Variants in TENM2 observed in about 807,000 individuals in gnomAD.
TENM2 encodes teneurin transmembrane protein 2, also known as teneurin-2.
Under a neutral mutation model 245.2 loss-of-function variants are expected in TENM2, and 52 were observed. The ratio of observed to expected loss-of-function variants is 0.21; its 90% CI spans 0.17 to 0.27. TENM2 has a LOEUF of 0.27. TENM2 is among the 10% of genes least tolerant of loss of function. The pLI is 1.00. For missense variants in TENM2, 3,046 were observed against 3,666.8 expected, an observed-to-expected ratio of 0.83 and a Z score of 4.37; for synonymous variants, 1,363 against 1,438.9, an observed-to-expected ratio of 0.95 and a Z score of 1.19.
intron 5 of TENM2, among the ~76,000 whole-genome samples, chr5:168,004,971 G>T (rs1032602794): frequency 6.6e-6 from 1 of 151,944 alleles, no homozygotes; most frequent in Non-Finnish European, 1.5e-5. Context: ...CTCCACCCTC[G>T]CTTCTTTGGG....
the TENM2 span, among the ~76,000 whole-genome samples, chr5:167,030,885 G>A: frequency 2.0e-5 from 3 of 152,094 alleles, no homozygotes; most frequent in African/African-American, 7.2e-5. Flanking sequence ...GGGCTCATTG[G>A]GCTGATGGTG....
At chr5:167,858,727 C>T (rs1286135548) in intron 2 of TENM2, among the ~76,000 whole-genome samples, 1 of 150,870 alleles carries the variant, frequency 6.6e-6, no homozygotes, top group Non-Finnish European at 1.5e-5. Context: ...CCGCGACCGA[C>T]CGCAGCCGCC....
intron 2 of TENM2, among the ~76,000 whole-genome samples, chr5:167,612,607 T>C (rs1777548520): frequency 6.6e-6 from 1 of 152,180 alleles, no homozygotes; most frequent in Non-Finnish European, 1.5e-5. Context: ...TTGAAATATG[T>C]CAGATAGCTG....
chr5:167,205,296 G>T, the TENM2 span, among the ~76,000 whole-genome samples: 1 of 152,142 alleles, frequency 6.6e-6, no homozygotes, highest in Non-Finnish European at 1.5e-5. Context: ...CACGAGAATC[G>T]CTTGGACCTG....
intron 18 of TENM2, 33 bp downstream of exon 20, chr5:168,203,865 C>T: frequency 6.4e-7 from 1 of 1,563,992 alleles, no homozygotes; most frequent in Non-Finnish European, 8.7e-7. Context: ...CCAAATACAG[C>T]CTTGCCACTT....
the TENM2 span, among the ~76,000 whole-genome samples, chr5:167,098,423 A>C: frequency 6.6e-6 from 1 of 152,224 alleles, no homozygotes; most frequent in Non-Finnish European, 1.5e-5. Flanking sequence ...CAGATACAAC[A>C]AACCTTGAAG....
chr5:167,739,222 G>A (rs555094831), intron 2 of TENM2, among the ~76,000 whole-genome samples: 1 of 152,150 alleles, frequency 6.6e-6, no homozygotes, highest in Admixed American at 6.5e-5. Context: ...TCTGTAATTT[G>A]GGAATAGTCT....
At chr5:167,424,653 C>T (rs538080390) in intron 2 of TENM2, among the ~76,000 whole-genome samples, 1 of 151,870 alleles carries the variant, frequency 6.6e-6, no homozygotes, top group Admixed American at 6.6e-5. Context: ...TTTAAAGGCT[C>T]TTAATATTCC....
At chr5:167,184,448 A>T in the TENM2 span, among the ~76,000 whole-genome samples, 1 of 152,150 alleles carries the variant, frequency 6.6e-6, no homozygotes, top group Non-Finnish European at 1.5e-5. Flanking sequence ...GATGGTAAAA[A>T]GTTTTTGTTT....
At chr5:167,598,309 GT>G (rs1280755114) in intron 2 of TENM2, among the ~76,000 whole-genome samples, 1 of 152,178 alleles carries the variant, frequency 6.6e-6, no homozygotes, top group Non-Finnish European at 1.5e-5. Flanking sequence ...TTTTACACAA[GT>G]TCAATTCTCC....
chr5:167,801,109 AATATATATATATATATATATATATAT>A (rs869282464), intron 2 of TENM2, among the ~76,000 whole-genome samples: 5 of 66,554 alleles, frequency 7.5e-5, no homozygotes, highest in South Asian at 5.9e-4. Flanking sequence ...AAAAAAAAAA[AATATATATATATATATATATATATAT>A]ATATATATAT....
chr5:168,078,682 A>G (rs949198596), intron 7 of TENM2, among the ~76,000 whole-genome samples: 2 of 152,218 alleles, frequency 1.3e-5, no homozygotes, highest in African/African-American at 4.8e-5. Flanking sequence ...TTTATTAAAT[A>G]GGGAATCCTT....
intron 25 of TENM2, among the ~76,000 whole-genome samples, chr5:168,242,815 TG>T (rs1170224116): frequency 6.6e-6 from 1 of 152,064 alleles, no homozygotes; most frequent in African/African-American, 2.4e-5. Flanking sequence ...TAGCCCAGTA[TG>T]ATGGCACATG....
the TENM2 span, among the ~76,000 whole-genome samples, chr5:167,212,213 C>T: frequency 6.6e-6 from 1 of 152,126 alleles, no homozygotes; most frequent in Admixed American, 6.6e-5. Context: ...AAAAGGCTTC[C>T]CTTGAAAAGC....
At chr5:167,294,831 G>A (rs1047484640) in intron 1 of TENM2, among the ~76,000 whole-genome samples, 2 of 152,122 alleles carry the variant, frequency 1.3e-5, no homozygotes, top group African/African-American at 4.8e-5. Context: ...ACCTCTGAAA[G>A]CTCTCACAAT....
At chr5:167,537,968 TA>T (rs1479226759) in intron 2 of TENM2, among the ~76,000 whole-genome samples, 1 of 152,184 alleles carries the variant, frequency 6.6e-6, no homozygotes, top group Non-Finnish European at 1.5e-5. Flanking sequence ...GCTTACACCT[TA>T]AGGGAGGAAG....
intron 2 of TENM2, among the ~76,000 whole-genome samples, chr5:167,530,355 C>T (rs1320832059): frequency 6.6e-6 from 1 of 152,194 alleles, no homozygotes; most frequent in Non-Finnish European, 1.5e-5. Context: ...GACTATCCAT[C>T]TGTAAGTACG....
chr5:167,209,460 C>T, the TENM2 span, among the ~76,000 whole-genome samples: 14 of 152,018 alleles, frequency 9.2e-5, no homozygotes, highest in Non-Finnish European at 1.8e-4. Flanking sequence ...GACAGGATTT[C>T]ACCATGTTGG....
intron 1 of TENM2, among the ~76,000 whole-genome samples, chr5:167,358,380 CCCT>C (rs2127256328): frequency 6.6e-6 from 1 of 152,184 alleles, no homozygotes; most frequent in South Asian, 2.1e-4. Flanking sequence ...GTTAATCACT[CCCT>C]CCTCTTTGAC....
Sources: allele counts gnomAD v4.1 joint callset (sites outside exome capture counted in the v4.1 genomes callset), GRCh38; gene constraint gnomAD v4.1.1; transcripts MANE v1.5; gene names NCBI Gene and HGNC (gene_info 2026-07-23, HGNC 2026-07-21).